BANP: variants seen among roughly 807,000 people sequenced by gnomAD.
BANP encodes the protein BTG3 associated nuclear protein.
BANP carries 11 observed loss-of-function variants against 68.1 expected under a neutral mutation model. That is an observed-to-expected ratio of 0.16 (90% CI 0.10 to 0.27). The LOEUF is 0.27. Ranked by LOEUF, BANP falls within the 10% of genes least tolerant of loss-of-function variation. The pLI, the probability that BANP is intolerant of heterozygous loss-of-function variation, is 1.00. For missense variants in BANP, 504 were observed against 722.7 expected (o/e 0.70, Z 3.47); for synonymous variants, 329 against 303.2 (o/e 1.09, Z -0.88).
At chr16:88,047,952 G>C (rs537713798) in intron 11 of BANP, among the ~76,000 whole-genome samples, 1 of 152,322 alleles carries the variant, frequency 6.6e-6, no homozygotes, top group Admixed American at 6.5e-5. Flanking sequence ...GCAAGGGCTT[G>C]GCCGAAGCAA....
Position 88,003,109 on chromosome 16 carries a change from A to G in BANP, c.363-1186A>G, listed in dbSNP as rs187268083. ...TGTAGGTGACTGTGGTGACCAAGCC[A>G]AAAGCCACCTGGGTTACTTTCCATA... On this transcript the variant is annotated intron_variant, in intron 4 of 13. Coordinates refer to ENST00000682872, the MANE Select transcript of BANP (RefSeq NM_001386991.1). The surrounding 1 kb of genome is among the most constrained non-coding windows in gnomAD (Gnocchi z 6.1). 1.3e-5 allele frequency among the ~76,000 whole-genome samples: 2 copies of G among 152,292 alleles called. No individual in the cohort carries two copies. The highest frequency in any genetic ancestry group is 1.3e-4 in the Admixed American group (2 of 15,304).
At chr16:88,076,526 A>G in intron 13 of BANP, 64 bp from the exon 14 acceptor site, 1 of 1,439,540 alleles carries the variant, frequency 6.9e-7, no homozygotes, top group Admixed American at 1.9e-5. Context: ...GCTGTTCATG[A>G]CACCCCCTGG....
intron 1 of BANP, among the ~76,000 whole-genome samples, chr16:87,958,860 C>T (rs2058594454): frequency 6.6e-6 from 1 of 152,244 alleles, no homozygotes; most frequent in Non-Finnish European, 1.5e-5. Flanking sequence ...GCGGCACAAA[C>T]TCACAGCCCA....
intron 4 of BANP, among the ~76,000 whole-genome samples, chr16:88,001,394 C>G (rs1485328888): frequency 1.3e-5 from 2 of 152,276 alleles, no homozygotes; most frequent in Admixed American, 6.5e-5. Context: ...CCAGACACAT[C>G]TCCATGCACA....
intron 6 of BANP, among the ~76,000 whole-genome samples, chr16:88,014,480 T>G (rs2074013863): frequency 6.6e-6 from 1 of 152,066 alleles, no homozygotes; most frequent in Non-Finnish European, 1.5e-5. Context: ...CTGGAGGGTC[T>G]CAGTGACACT....
In BANP at chr16:88,004,290, C is replaced by T. The variant is rs1483886561; in HGVS notation, c.363-5C>T. The T allele has an allele frequency of 2.0e-6, 3 of 1,500,896 alleles. No individual in the cohort carries two copies. In the African/African-American group the frequency reaches 4.2e-5, roughly 21 times the overall value. 93.0% of individuals were successfully genotyped at this position (1,500,896 alleles called of 1,614,324 possible). On this transcript the variant is annotated splice_polypyrimidine_tract_variant and splice_region_variant and intron_variant, in intron 4 of 13. Coordinates refer to ENST00000682872, the MANE Select transcript of BANP (RefSeq NM_001386991.1). The surrounding 1 kb of genome is among the most constrained non-coding windows in gnomAD (Gnocchi z 7.0). ...CTTTTTCTTTGTGATTCTTTTGTTC[C>T]CTAGCGTCGTCCCCCAGACTACAGT...
At chr16:87,997,621 CCA>C (rs1415476617) in intron 4 of BANP, among the ~76,000 whole-genome samples, 1 of 151,344 alleles carries the variant, frequency 6.6e-6, no homozygotes, top group African/African-American at 2.4e-5. Flanking sequence ...GGGAGTGAGA[CCA>C]TGTCTTCATG....
chr16:88,013,695 C>G (rs138323095), intron 6 of BANP, among the ~76,000 whole-genome samples: 3 of 152,232 alleles, frequency 2.0e-5, no homozygotes, highest in Non-Finnish European at 2.9e-5. Flanking sequence ...TGGGGCCCTC[C>G]TTGCACAGGT....
In BANP at chr16:88,004,250, T is replaced by G; in HGVS notation, c.363-45T>G. 1 of 1,154,684 alleles carries G rather than the reference T, an allele frequency of 8.7e-7. No individual in the cohort carries two copies. The highest frequency in any genetic ancestry group is 1.3e-6 in the Non-Finnish European group (1 of 788,438). The allele number at this position is 1,154,684 out of a possible 1,614,324, so 71.5% of individuals were successfully genotyped here. A position where few individuals can be genotyped will look rare whatever the true frequency, so the allele number is the denominator to read the frequency against. On this transcript the variant is annotated intron_variant, in intron 4 of 13. Coordinates refer to ENST00000682872, the MANE Select transcript of BANP (RefSeq NM_001386991.1). This position sits in a 1 kb window ranked among gnomAD's most constrained non-coding sequence, Gnocchi z 7.0. ...TTATGTGCTCTTACCATGAATGTTG[T>G]TGTTTTAAGGCCTTCTTTTTCTTTG...
intron 1 of BANP, among the ~76,000 whole-genome samples, chr16:87,958,846 C>T (rs1178857379): frequency 6.6e-6 from 1 of 152,218 alleles, no homozygotes; most frequent in East Asian, 1.9e-4. Flanking sequence ...CACCAGTGAG[C>T]TCAGCGGCAC....
intron 4 of BANP, among the ~76,000 whole-genome samples, chr16:87,990,837 A>G (rs1007969706): frequency 2.0e-5 from 3 of 152,068 alleles, no homozygotes; most frequent in African/African-American, 7.2e-5. Flanking sequence ...ATCTCGGCTC[A>G]CTGCAACCTC....
At chr16:88,069,198 G>A (rs1468459616) in intron 12 of BANP, among the ~76,000 whole-genome samples, 2 of 152,176 alleles carry the variant, frequency 1.3e-5, no homozygotes, top group East Asian at 3.9e-4. Flanking sequence ...CAGCTGTGCC[G>A]GCAGCTCCTC....
intron 11 of BANP, among the ~76,000 whole-genome samples, chr16:88,054,940 T>C (rs992051978): frequency 6.6e-6 from 1 of 152,362 alleles, no homozygotes; most frequent in East Asian, 1.9e-4. Flanking sequence ...GGGGGTATTA[T>C]ATCTATTGAG....
chr16:87,981,197 C>T, intron 3 of BANP, 70 bp downstream of exon 3: 2 of 1,132,776 alleles, frequency 1.8e-6, no homozygotes, highest in Admixed American at 1.7e-5. Flanking sequence ...AACAAATCAC[C>T]ATCAATGGGA....
At position 88,076,571 on chromosome 16, in the gene BANP, T is replaced by A; in HGVS notation, c.1522-19T>A. The A allele has an allele frequency of 6.2e-7, 1 of 1,610,322 alleles. No individual in the cohort carries two copies. The highest frequency in any genetic ancestry group is 8.5e-7 in the Non-Finnish European group (1 of 1,178,220). On this transcript the variant is annotated intron_variant, in intron 13 of 13. Transcript: ENST00000682872. ...GCTGGGTATTTTTCTAGAAAGTCCC[T>A]CCTTTCTCCCTTTTGCAGACGGCCG...
chr16:88,071,263 C>T lies in BANP; in HGVS notation c.1378-806C>T, dbSNP rs2090233363. The T allele has an allele frequency of 2.8e-6, 1 of 359,286 alleles. No homozygotes were observed. The highest frequency in any genetic ancestry group is 2.1e-5 in the African/African-American group (1 of 46,732). The allele number at this position is 359,286 out of a possible 1,614,324, so 22.3% of individuals were successfully genotyped here. On this transcript the variant is annotated intron_variant, in intron 12 of 13. Transcript: ENST00000682872. This position sits in a 1 kb window ranked among gnomAD's most constrained non-coding sequence, Gnocchi z 6.5. ...AACCCCAAGTGAAGACCCCGTGGCTCATGTCAAGTGCCCTCAGGGCTGGGG... is the reference window on the plus strand; with the variant it reads ...AACCCCAAGTGAAGACCCCGTGGCTTATGTCAAGTGCCCTCAGGGCTGGGG...
intron 6 of BANP, among the ~76,000 whole-genome samples, chr16:88,015,928 G>C (rs1470310559): frequency 2.6e-5 from 4 of 152,240 alleles, no homozygotes; most frequent in Non-Finnish European, 4.4e-5. Context: ...ACATTGGATG[G>C]CATCTGATGG....
chr16:88,072,978 C>T (rs1490966517), intron 13 of BANP, among the ~76,000 whole-genome samples: 1 of 152,240 alleles, frequency 6.6e-6, no homozygotes, highest in Admixed American at 6.5e-5. Context: ...CTGTTCCGCT[C>T]CTTTCTGTGG....
chr16:87,978,271 A>G (rs534650198), intron 2 of BANP, among the ~76,000 whole-genome samples: 1 of 152,354 alleles, frequency 6.6e-6, no homozygotes, highest in South Asian at 2.1e-4. Flanking sequence ...TTGCTGTCCC[A>G]CTACCTGTGG....
Sources: gnomAD v4.1 joint callset for allele counts (sites outside exome capture counted in the v4.1 genomes callset) on GRCh38, gnomAD v4.1.1 for gene constraint, Gnocchi (gnomAD v3.1) non-coding constraint, MANE v1.5 for transcripts, NCBI Gene and HGNC (gene_info 2026-07-23, HGNC 2026-07-21) for gene names.